KCNK17: variants seen among roughly 807,000 people sequenced by gnomAD.
KCNK17 encodes the protein potassium two pore domain channel subfamily K member 17, also known as potassium channel subfamily K member 17.
Under a neutral mutation model 24.6 loss-of-function variants are expected in KCNK17, and 27 were observed. The observed-to-expected ratio is 1.10, with a 90% CI of 0.81 to 1.51. KCNK17 has a LOEUF of 1.51. Among genes scored for constraint, KCNK17 ranks in the 40% most tolerant of loss-of-function variants. KCNK17 has a pLI of 0.00. For synonymous variants in KCNK17, 181 were observed against 189.8 expected, an observed-to-expected ratio of 0.95 and a Z score of 0.38; for missense variants, 450 against 436.6, an observed-to-expected ratio of 1.03 and a Z score of -0.27.
chr6:39,312,385 T>G (rs1583773591), intron 1 of KCNK17, among the ~76,000 whole-genome samples: 1 of 147,612 alleles, frequency 6.8e-6, no homozygotes, highest in African/African-American at 2.5e-5. Context: ...GAGGTGGGGG[T>G]GGAGGGAGTT....
intron 2 of KCNK17, among the ~76,000 whole-genome samples, chr6:39,308,161 T>G (rs1007237115): frequency 2.6e-5 from 4 of 152,230 alleles, no homozygotes; most frequent in African/African-American, 9.6e-5. Flanking sequence ...CCCCTCACAC[T>G]AGAATGTCAG....
rs190968245 is a variant in KCNK17 at position 39,305,967 on chromosome 6, G to C, written c.353-1312C>G. The stretch of plus-strand genomic sequence containing the variant: ...CAGCACTCTCCCTTGCACTGTGTGA[G>C]AAAGATTTGTTTCCATGTCTGCCTC... On this transcript the variant is annotated intron_variant, in intron 2 of 4. Coordinates refer to ENST00000373231, the MANE Select transcript of KCNK17 (RefSeq NM_031460.4). Among the ~76,000 whole-genome samples the C allele has an allele frequency of 4.4e-4, 67 of 152,086 alleles. 1 individual carries two copies. The highest frequency in any genetic ancestry group is 7.4e-5 in the Non-Finnish European group (5 of 68,002).
At chr6:39,310,869 C>A in intron 2 of KCNK17, 24 bp downstream of exon 2, 1 of 1,398,414 alleles carries the variant, frequency 7.2e-7, no homozygotes, top group South Asian at 1.2e-5. Context: ...CACCCCCATC[C>A]CCCTGGCCCC....
chr6:39,303,859 T>A lies in KCNK17; in HGVS notation c.688+98A>T. The stretch of plus-strand genomic sequence containing the variant: ...GATTTTGGGCCCAAAAGCCCCCACA[T>A]GGCGTGCACACAGCAGGTGCGCCAG... On this transcript the variant is annotated intron_variant, in intron 4 of 4. Transcript: ENST00000373231. 32 of 1,351,414 alleles carry A rather than the reference T, an allele frequency of 2.4e-5. No individual in the cohort carries two copies. The African/African-American group carries it at 2.5e-4, about 10-fold the overall frequency. 83.7% of individuals were successfully genotyped at this position (1,351,414 alleles called of 1,614,324 possible).
chr6:39,300,631 C>T lies in KCNK17; in HGVS notation c.689-894G>A, dbSNP rs560417135. On this transcript the variant is annotated intron_variant, in intron 4 of 4. Coordinates refer to ENST00000373231, the MANE Select transcript of KCNK17 (RefSeq NM_031460.4). ...TCCTTCACCTGTGAGATGGGGAATA[C>T]GACTGCGCCCCCTTGGCTTTTAGGA... is the stretch of plus-strand genomic sequence containing the variant. 3.9e-5 allele frequency: 44 copies of T among 1,118,330 alleles called. No homozygotes were observed. In the African/African-American group the frequency reaches 4.2e-4, roughly 11 times the overall value. The allele number at this position is 1,118,330 out of a possible 1,614,324, so 69.3% of individuals were successfully genotyped here.
At chr6:39,306,678 A>C (rs191348527) in intron 2 of KCNK17, among the ~76,000 whole-genome samples, 1 of 151,796 alleles carries the variant, frequency 6.6e-6, no homozygotes, top group African/African-American at 2.4e-5. Flanking sequence ...TGTGCTTTGG[A>C]GTCTGCTGCA....
intron 1 of KCNK17, among the ~76,000 whole-genome samples, chr6:39,313,215 C>T (rs138406158): frequency 0.02 from 3,003 of 152,338 alleles, 45 homozygotes; most frequent in Middle Eastern, 0.048. Flanking sequence ...TGCGCCACCC[C>T]TAGAACCCTC....
At chr6:39,310,736 C>T (rs1020703549) in intron 2 of KCNK17, among the ~76,000 whole-genome samples, 157 bp downstream of exon 2, 5 of 152,078 alleles carry the variant, frequency 3.3e-5, no homozygotes, top group South Asian at 2.1e-4. Flanking sequence ...TAGTGAGGCC[C>T]GAGACTGCTC....
intron 2 of KCNK17, among the ~76,000 whole-genome samples, chr6:39,309,336 A>C (rs1008493988): frequency 1.3e-5 from 2 of 152,196 alleles, no homozygotes; most frequent in Non-Finnish European, 2.9e-5. Flanking sequence ...AAAAGAAAGA[A>C]AGAAAATAAT....
At chr6:39,307,274 A>C (rs1762053449) in intron 2 of KCNK17, among the ~76,000 whole-genome samples, 2 of 152,170 alleles carry the variant, frequency 1.3e-5, no homozygotes, top group Non-Finnish European at 2.9e-5. Flanking sequence ...TGTTTGTTGA[A>C]TAAATGAATG....
chr6:39,310,866 A>G, intron 2 of KCNK17, 27 bp downstream of exon 2: 5 of 756,848 alleles, frequency 6.6e-6, no homozygotes, highest in Non-Finnish European at 8.7e-6. Flanking sequence ...CCCCACCCCC[A>G]TCCCCCTGGC....
At chr6:39,308,061 C>T (rs1162065842) in intron 2 of KCNK17, among the ~76,000 whole-genome samples, 1 of 152,188 alleles carries the variant, frequency 6.6e-6, no homozygotes, top group Non-Finnish European at 1.5e-5. Context: ...TAGGTGCCCC[C>T]ATCACTATGA....
At chr6:39,304,425 AC>A (rs1315101188) in intron 3 of KCNK17, 69 bp downstream of exon 3, 2 of 1,374,276 alleles carry the variant, frequency 1.5e-6, no homozygotes, top group Non-Finnish European at 2.1e-6. Context: ...GTCATTAGTA[AC>A]CCCAATTCCC....
In KCNK17 at chr6:39,310,991, T is replaced by G. The variant is rs150207756; in HGVS notation, c.254A>C (p.Tyr85Ser). ...DSLIRDVVQA[Y>S]KNGASLLSNT... Reference sequence around the variant, plus strand: ...GCTGAGGAGGCTGGCTCCGTTTTTGTATGCTTGGACGACATCCTGGGGAAG... The same window carrying G: ...GCTGAGGAGGCTGGCTCCGTTTTTGGATGCTTGGACGACATCCTGGGGAAG... The change falls in exon 2 of 5, where the codon TAC becomes TCC. Residue 85 changes from tyrosine (Y) to serine (S), a missense_variant. Tyr to Ser is a moderately radical substitution (Grantham distance 144). Coordinates refer to ENST00000373231, the MANE Select transcript of KCNK17 (RefSeq NM_031460.4). 1.2e-6 allele frequency: 2 copies of G among 1,604,996 alleles called. No homozygotes were observed. The highest frequency in any genetic ancestry group is 1.7e-6 in the Non-Finnish European group (2 of 1,173,194).
In KCNK17 at chr6:39,311,102, ACACACACACACACAC is replaced by A. The variant is rs1562084341; in HGVS notation, c.238-110_238-96del. 668 of 594,134 alleles carry A rather than the reference ACACACACACACACAC, an allele frequency of 1.1e-3. 4 individuals are homozygous for A. The African/African-American group carries it at 0.014, about 13-fold the overall frequency. 36.8% of individuals were successfully genotyped at this position (594,134 alleles called of 1,614,324 possible). A position where few individuals can be genotyped will look rare whatever the true frequency, so the allele number is the denominator to read the frequency against. On this transcript the variant is annotated intron_variant, in intron 1 of 4. Transcript: ENST00000373231. ...CACACACACACACACACACACACAC[ACACACACACACACAC>A]ACAAACAAACCTACACACACAGCCC...
At chr6:39,306,712 C>CTAACCCTAACCCTAACCCT in intron 2 of KCNK17, among the ~76,000 whole-genome samples, 1 of 151,618 alleles carries the variant, frequency 6.6e-6, no homozygotes, top group South Asian at 2.1e-4. Flanking sequence ...GATCCCAGCT[C>CTAACCCTAACCCTAACCCT]AGCTCCTTGC....
chr6:39,313,084 G>A (rs1762173634), intron 1 of KCNK17, among the ~76,000 whole-genome samples: 1 of 152,190 alleles, frequency 6.6e-6, no homozygotes, highest in Non-Finnish European at 1.5e-5. Context: ...CTGGGCTGGC[G>A]CGCAGCTGTC....
At chr6:39,302,107 C>T (rs1432121528) in intron 4 of KCNK17, among the ~76,000 whole-genome samples, 1 of 152,200 alleles carries the variant, frequency 6.6e-6, no homozygotes, top group Admixed American at 6.5e-5. Flanking sequence ...AGTTGGGGCT[C>T]TTATTGTGGT....
chr6:39,305,736 CTCTGAGACTCG>C (rs886965569), intron 2 of KCNK17, among the ~76,000 whole-genome samples: 136 of 152,340 alleles, frequency 8.9e-4, no homozygotes, highest in African/African-American at 3.2e-3. Context: ...CCCAGCCTTT[CTCTGAGACTCG>C]TCTGGTGCCC....
Sources: gnomAD v4.1 joint callset for allele counts (sites outside exome capture counted in the v4.1 genomes callset) on GRCh38, gnomAD v4.1.1 for gene constraint, MANE v1.5 for transcripts, NCBI Gene and HGNC (gene_info 2026-07-23, HGNC 2026-07-21) for gene names.